Variants in TMEM231 observed in about 807,000 individuals in gnomAD.
The protein encoded by TMEM231 is transmembrane protein 231.
In TMEM231, 40 loss-of-function variants were observed where a neutral mutation model predicts 38.5. That is an observed-to-expected ratio of 1.04 (90% confidence interval 0.81 to 1.35). The LOEUF (loss-of-function observed/expected upper bound fraction) is 1.35, where lower values mean the gene tolerates loss of function less well. Among genes scored for constraint, TMEM231 ranks in the 40% most tolerant of loss-of-function variants. TMEM231 has a pLI of 0.00. For synonymous variants in TMEM231, 199 were observed against 181.7 expected (o/e 1.10, Z -0.77); for missense variants, 420 against 416.9 (o/e 1.01, Z -0.07).
chr16:75,556,188 A>T lies in TMEM231; in HGVS notation c.22T>A (p.Ser8Thr), dbSNP rs760892967. Reference protein sequence around the residue: MALYELFSHPVERSYRAG... With the variant: MALYELFTHPVERSYRAG... ...CGGTAACTGCGCTCGACCGGGTGAGAGAAGAGCTCATAGAGCGCCATGAGC... is the reference window on the plus strand; with the variant it reads ...CGGTAACTGCGCTCGACCGGGTGAGTGAAGAGCTCATAGAGCGCCATGAGC... Residue 8 changes from serine (S) to threonine (T), a missense_variant, in exon 1 of 7, where the codon TCT (serine) becomes ACT (threonine). Ser to Thr is a moderately conservative substitution (Grantham distance 58). Transcript: ENST00000258173. 1 of 1,509,826 alleles carries T rather than the reference A, an allele frequency of 6.6e-7. No individual in the cohort carries two copies. Among genetic ancestry groups the T allele is most frequent in the Non-Finnish European group, 8.8e-7 (1 of 1,133,918 alleles). The allele number at this position is 1,509,826 out of a possible 1,614,324, so 93.5% of individuals were successfully genotyped here.
intron 2 of TMEM231, among the ~76,000 whole-genome samples, chr16:75,554,657 A>C (rs1027536593): frequency 6.6e-6 from 1 of 152,218 alleles, no homozygotes; most frequent in Admixed American, 6.5e-5. Flanking sequence ...GCTGATTAAT[A>C]AGTATTGATA....
rs1032016901 is a variant in TMEM231 at position 75,551,198 on chromosome 16, C to CT, written c.309+4605dup. 6.6e-4 allele frequency among the ~76,000 whole-genome samples: 100 copies of CT among 151,592 alleles called. 2 individuals carry two copies. The highest frequency in any genetic ancestry group is 6.2e-3 in the Admixed American group (95 of 15,214). ...CCTTTCCACCTTTCTACCTGTATTT[C>CT]TTTTTTTTTCTATTTCTTTTTTTCT... On this transcript the variant is annotated intron_variant, in intron 2 of 6. Coordinates refer to ENST00000258173, the MANE Select transcript of TMEM231 (RefSeq NM_001077418.3).
At chr16:75,554,545 C>CAAAAAAAAAAA (rs1185694717) in intron 2 of TMEM231, among the ~76,000 whole-genome samples, 4 of 94,090 alleles carry the variant, frequency 4.3e-5, no homozygotes, top group African/African-American at 1.2e-4. Context: ...GACTGTGTCT[C>CAAAAAAAAAAA]AAAAAAAAAA....
At chr16:75,552,872 C>T (rs1029126304) in intron 2 of TMEM231, among the ~76,000 whole-genome samples, 2 of 152,190 alleles carry the variant, frequency 1.3e-5, no homozygotes, top group Non-Finnish European at 2.9e-5. Flanking sequence ...CTCCACTCAT[C>T]CTCTGGAATC....
intron 6 of TMEM231, 53 bp downstream of exon 6, chr16:75,541,297 G>T: frequency 1.4e-6 from 2 of 1,387,798 alleles, no homozygotes; most frequent in Non-Finnish European, 2.0e-6. Context: ...TGAAATTATA[G>T]GCAGGAGCCA....
intron 2 of TMEM231, among the ~76,000 whole-genome samples, chr16:75,547,237 A>G (rs1438306236): frequency 6.6e-6 from 1 of 152,198 alleles, no homozygotes; most frequent in Non-Finnish European, 1.5e-5. Context: ...CTATGGATTC[A>G]TTTTGATTCC....
At chr16:75,546,733 G>A (rs951822485) in intron 2 of TMEM231, among the ~76,000 whole-genome samples, 11 of 152,230 alleles carry the variant, frequency 7.2e-5, no homozygotes, top group Admixed American at 2.0e-4. Flanking sequence ...GTGAGCCACC[G>A]CACCCGGCCT....
chr16:75,538,377 T>C lies in TMEM231; in HGVS notation c.*1617A>G, dbSNP rs1257787645. The C allele has an allele frequency of 1.3e-5, 2 of 152,214 alleles. No homozygotes were observed. Among genetic ancestry groups the C allele is most frequent in the Non-Finnish European group, 2.9e-5 (2 of 68,036 alleles). 9.4% of individuals were successfully genotyped at this position (152,214 alleles called of 1,614,324 possible). A position where few individuals can be genotyped will look rare whatever the true frequency, so the allele number is the denominator to read the frequency against. Reference sequence around the variant, plus strand: ...TTATACAAGATTTGCATTAGAATAATTTAATAAAATGCAAACCAATGTTTA... The same window carrying C: ...TTATACAAGATTTGCATTAGAATAACTTAATAAAATGCAAACCAATGTTTA... On this transcript the variant is annotated 3_prime_UTR_variant, in exon 7 of 7. Coordinates refer to ENST00000258173, the MANE Select transcript of TMEM231 (RefSeq NM_001077418.3).
intron 2 of TMEM231, among the ~76,000 whole-genome samples, chr16:75,548,516 G>A (rs1425608354): frequency 6.6e-6 from 1 of 152,196 alleles, no homozygotes; most frequent in East Asian, 1.9e-4. Context: ...AGAAAACAGT[G>A]ACAAGTGCCG....
At chr16:75,544,843 C>A (rs556833206) in intron 4 of TMEM231, among the ~76,000 whole-genome samples, 1 of 151,766 alleles carries the variant, frequency 6.6e-6, no homozygotes, top group Non-Finnish European at 1.5e-5. Context: ...TGTAACTATG[C>A]GTGTACCTTC....
intron 2 of TMEM231, chr16:75,546,193 G>T (rs563696202): frequency 3.3e-6 from 4 of 1,227,154 alleles, no homozygotes; most frequent in Non-Finnish European, 3.4e-6. Context: ...AAAATAAATG[G>T]GCAATAACAA....
chr16:75,547,982 C>G (rs1293523979), intron 2 of TMEM231, among the ~76,000 whole-genome samples: 7 of 152,068 alleles, frequency 4.6e-5, no homozygotes. Flanking sequence ...CAGAAGAATC[C>G]AGACTCCAAC....
chr16:75,555,688 C>G (rs1010183493), intron 2 of TMEM231, 116 bp downstream of exon 2: 4 of 1,148,344 alleles, frequency 3.5e-6, no homozygotes, highest in Non-Finnish European at 4.7e-6. Context: ...TTCGCGAGTC[C>G]TTAGGATCAA....
At chr16:75,546,057 C>T (rs1469804403) in intron 2 of TMEM231, 103 bp from the exon 3 acceptor site, 1 of 1,553,302 alleles carries the variant, frequency 6.4e-7, no homozygotes, top group Admixed American at 2.0e-5. Flanking sequence ...TTGCTGTACA[C>T]AACAGGCATT....
At position 75,539,759 on chromosome 16, in the gene TMEM231, T is replaced by G; in HGVS notation, c.*235A>C. The G allele has an allele frequency of 5.1e-6, 2 of 390,586 alleles. No individual in the cohort carries two copies. The highest frequency in any genetic ancestry group is 8.0e-5 in the East Asian group (2 of 25,012). 24.2% of individuals were successfully genotyped at this position (390,586 alleles called of 1,614,324 possible). On this transcript the variant is annotated 3_prime_UTR_variant, in exon 7 of 7. Transcript: ENST00000258173. ...GGCAAAGAAGGAAAACCCAAAAAGC[T>G]AATTATAGCCTCCAGGAACTCTCAG...
chr16:75,540,235 T>C (rs1459994896), intron 6 of TMEM231, 61 bp from the exon 7 acceptor site: 3 of 1,502,440 alleles, frequency 2.0e-6, no homozygotes, highest in East Asian at 2.3e-5. Context: ...AAATCCAAGA[T>C]GGAATTGGCT....
intron 2 of TMEM231, among the ~76,000 whole-genome samples, chr16:75,552,350 G>T (rs1385427708): frequency 6.6e-6 from 1 of 152,118 alleles, no homozygotes; most frequent in African/African-American, 2.4e-5. Context: ...CTCCTTCGGA[G>T]GCTGAGGCAG....
Position 75,541,408 on chromosome 16 carries a change from C to T in TMEM231, c.712G>A (p.Ala238Thr). ...TTAATCACAAATGGAGCATCTGCGG[C>T]CCTGCCCACCAGCCAGATGGGGTTG... Reference protein sequence around the residue: ...DPNPIWLVGRAADAPFVINAI... With the variant: ...DPNPIWLVGRTADAPFVINAI... Residue 238 changes from alanine (A) to threonine (T), a missense_variant, in exon 6 of 7, where the codon GCC becomes ACC. Transcript: ENST00000258173. 2.5e-6 allele frequency: 4 copies of T among 1,612,008 alleles called. No individual in the cohort carries two copies. Among genetic ancestry groups the T allele is most frequent in the Non-Finnish European group, 3.4e-6 (4 of 1,178,832 alleles).
At chr16:75,541,554 C>A in intron 5 of TMEM231, 99 bp from the exon 6 acceptor site, 1 of 647,720 alleles carries the variant, frequency 1.5e-6, no homozygotes, top group Non-Finnish European at 2.4e-6. Context: ...TCCTGTGCTT[C>A]AGAACTGAAA....
Sources: allele counts gnomAD v4.1 joint callset (sites outside exome capture counted in the v4.1 genomes callset), GRCh38; gene constraint gnomAD v4.1.1; transcripts MANE v1.5; gene names NCBI Gene and HGNC (gene_info 2026-07-23, HGNC 2026-07-21).